The following FARS2 variants were observed in gnomAD, a reference collection of about 807,000 sequenced individuals.
The protein encoded by FARS2 is phenylalanyl-tRNA synthetase 2, mitochondrial.
FARS2 carries 40 observed loss-of-function variants against 46.4 expected under a neutral mutation model. The ratio of observed to expected loss-of-function variants is 0.86; its 90% CI spans 0.67 to 1.12. The LOEUF (loss-of-function observed/expected upper bound fraction) is 1.12. Ranked by LOEUF, FARS2 falls within the 50% of genes most tolerant of loss-of-function variation. The probability of loss-of-function intolerance (pLI) is 0.00; values close to 1 mark genes in which losing one functional copy is unlikely to be tolerated. For missense variants in FARS2, 513 were observed against 567.9 expected (o/e 0.90, Z 0.98); for synonymous variants, 234 against 214.9 (o/e 1.09, Z -0.78).
At chr6:5,577,473 C>T (rs1773054263) in intron 5 of FARS2, among the ~76,000 whole-genome samples, 1 of 152,124 alleles carries the variant, frequency 6.6e-6, no homozygotes. Flanking sequence ...ATACCACACT[C>T]CATTAAAAGG....
chr6:5,608,262 A>T (rs1207490073), intron 5 of FARS2, among the ~76,000 whole-genome samples: 1 of 152,140 alleles, frequency 6.6e-6, no homozygotes, highest in South Asian at 2.1e-4. Flanking sequence ...GCCTGGTAGG[A>T]AAACTTTAAA....
At chr6:5,733,273 CA>C (rs1561828131) in intron 6 of FARS2, among the ~76,000 whole-genome samples, 1 of 151,946 alleles carries the variant, frequency 6.6e-6, no homozygotes, top group Admixed American at 6.6e-5. Context: ...ATTAAAAAAC[CA>C]AAAAAGCAAA....
rs867552419 is a variant in FARS2, at chr6:5,423,405, C to T, written c.773-7636C>T. On this transcript the variant is annotated intron_variant, in intron 3 of 6. Coordinates refer to ENST00000274680, the MANE Select transcript of FARS2 (RefSeq NM_006567.5). ...GTAGAGAAACGATCATATCATCTTA[C>T]GATCCAAGCACTAGTCAAAAGGATC... Among the ~76,000 whole-genome samples, 8 of 152,140 alleles carry T rather than the reference C, an allele frequency of 5.3e-5. No individual in the cohort carries two copies. The South Asian group carries it at 1.2e-3, about 24-fold the overall frequency.
At chr6:5,264,764 C>T (rs1765435718) in intron 1 of FARS2, among the ~76,000 whole-genome samples, 2 of 151,904 alleles carry the variant, frequency 1.3e-5, no homozygotes, top group South Asian at 2.1e-4. Flanking sequence ...GCTTCCCCAC[C>T]CCTAAGAAAC....
chr6:5,693,452 G>A (rs529110643), intron 6 of FARS2, among the ~76,000 whole-genome samples: 1 of 152,290 alleles, frequency 6.6e-6, no homozygotes, highest in African/African-American at 2.4e-5. Context: ...GATATTAATG[G>A]GCAAGGCGGC....
At chr6:5,692,617 G>T (rs1438301109) in intron 6 of FARS2, among the ~76,000 whole-genome samples, 3 of 152,170 alleles carry the variant, frequency 2.0e-5, no homozygotes, top group Admixed American at 1.3e-4. Context: ...AAAATATACT[G>T]CTTAATGGTT....
chr6:5,606,345 C>G (rs1243458281), intron 5 of FARS2, among the ~76,000 whole-genome samples: 1 of 151,800 alleles, frequency 6.6e-6, no homozygotes, highest in Non-Finnish European at 1.5e-5. Context: ...AGACTCGTCA[C>G]CATTGCTAAT....
Position 5,646,042 on chromosome 6 carries a change from C to T in FARS2, c.1217+32722C>T, listed in dbSNP as rs114694071. On this transcript the variant is annotated intron_variant, in intron 6 of 6. Transcript: ENST00000274680. ...AAGGGGCATTTTTCTGTGTAAGTCT[C>T]GTATGGTTTGGTGGAGTGAGATAAG... is the stretch of plus-strand genomic sequence containing the variant. Among the ~76,000 whole-genome samples, 941 of 152,044 alleles carry T rather than the reference C, an allele frequency of 6.2e-3. 13 individuals carry two copies. The highest frequency in any genetic ancestry group is 0.022 in the African/African-American group (892 of 41,446).
At chr6:5,756,891 T>G (rs906376543) in intron 6 of FARS2, among the ~76,000 whole-genome samples, 2 of 152,184 alleles carry the variant, frequency 1.3e-5, no homozygotes, top group African/African-American at 4.8e-5. Flanking sequence ...AAACACACAC[T>G]TTACCCAACC....
chr6:5,648,352 C>A (rs1462382863), intron 6 of FARS2, among the ~76,000 whole-genome samples: 1 of 152,234 alleles, frequency 6.6e-6, no homozygotes, highest in Non-Finnish European at 1.5e-5. Context: ...GGCAAGAATA[C>A]AGGGTCCCCC....
intron 6 of FARS2, among the ~76,000 whole-genome samples, chr6:5,717,917 TATATATATATATATATATAC>T (rs373400043): frequency 0.049 from 1,742 of 35,404 alleles, 121 homozygotes; most frequent in African/African-American, 0.25. Flanking sequence ...GCTATATATA[TATATATATATATATATATAC>T]AGAGTCTCAC....
chr6:5,584,564 G>A lies in FARS2; in HGVS notation c.1066-28605G>A, dbSNP rs1243078457. ...CTCCCCTCTTCCCTCTCTCCTTCCC[G>A]TGTGTGCCTGTGCATGTGTGTATGT... is the stretch of plus-strand genomic sequence containing the variant. On this transcript the variant is annotated intron_variant, in intron 5 of 6. Coordinates refer to ENST00000274680, the MANE Select transcript of FARS2 (RefSeq NM_006567.5). Among the ~76,000 whole-genome samples the A allele has an allele frequency of 4.6e-5, 7 of 151,502 alleles. 1 individual carries two copies. The highest frequency in any genetic ancestry group is 4.2e-4 in the South Asian group (2 of 4,786).
At position 5,689,160 on chromosome 6, in the gene FARS2, G is replaced by A. The variant is rs1040406090; in HGVS notation, c.1217+75840G>A. On this transcript the variant is annotated intron_variant, in intron 6 of 6. Transcript: ENST00000274680. ...ATCTTTTCAAAAAACCAGCTCCTGG[G>A]TTCATTGATTTTTTGAAGGGTTTTT... Among the ~76,000 whole-genome samples the A allele has an allele frequency of 3.3e-5, 5 of 151,960 alleles. No homozygotes were observed. The East Asian group carries it at 5.8e-4, about 18-fold the overall frequency.
chr6:5,513,695 C>T (rs1217912456), intron 4 of FARS2, among the ~76,000 whole-genome samples: 4 of 152,146 alleles, frequency 2.6e-5, no homozygotes, highest in Non-Finnish European at 5.9e-5. Flanking sequence ...AGAATGGTAA[C>T]GTCATAGTAA....
In FARS2 at chr6:5,504,667, C is replaced by G. The variant is rs1315887753; in HGVS notation, c.905-40513C>G. Among the ~76,000 whole-genome samples, 58 of 152,054 alleles carry G rather than the reference C, an allele frequency of 3.8e-4. 1 individual carries two copies. Among genetic ancestry groups the G allele is most frequent in the Admixed American group, 3.7e-3 (57 of 15,264 alleles). On this transcript the variant is annotated intron_variant, in intron 4 of 6. Transcript: ENST00000274680. Reference sequence around the variant, plus strand: ...AACACAAATACTTTTAGAGAAATACCAGGACAGAATTCAAAACATACAGTT... The same window carrying G: ...AACACAAATACTTTTAGAGAAATACGAGGACAGAATTCAAAACATACAGTT...
chr6:5,469,303 C>A (rs540384059), intron 4 of FARS2, among the ~76,000 whole-genome samples: 4 of 152,236 alleles, frequency 2.6e-5, no homozygotes, highest in African/African-American at 9.6e-5. Context: ...TGACCCCACT[C>A]GGTTCTCACT....
chr6:5,683,576 G>C (rs1779139246), intron 6 of FARS2, among the ~76,000 whole-genome samples: 1 of 151,988 alleles, frequency 6.6e-6, no homozygotes, highest in Non-Finnish European at 1.5e-5. Context: ...TGCTACAAAA[G>C]AGCAGTGTTT....
At chr6:5,601,688 G>GT (rs796527258) in intron 5 of FARS2, among the ~76,000 whole-genome samples, 7 of 152,226 alleles carry the variant, frequency 4.6e-5, no homozygotes, top group African/African-American at 1.4e-4. Flanking sequence ...AAGTCTCAGT[G>GT]TCCTCGTGGA....
intron 1 of FARS2, among the ~76,000 whole-genome samples, chr6:5,275,471 A>C (rs1173617531): frequency 6.6e-6 from 1 of 152,190 alleles, no homozygotes; most frequent in Non-Finnish European, 1.5e-5. Flanking sequence ...TCCCACCAGA[A>C]TGTGAATTCT....
Sources: gnomAD v4.1 joint callset for allele counts (sites outside exome capture counted in the v4.1 genomes callset) on GRCh38, gnomAD v4.1.1 for gene constraint, MANE v1.5 for transcripts, NCBI Gene and HGNC (gene_info 2026-07-23, HGNC 2026-07-21) for gene names.